Variants in EDEM3 observed in about 807,000 individuals in gnomAD.
EDEM3 encodes the protein ER degradation-enhancing alpha-mannosidase-like protein 3.
Under a neutral mutation model 110.2 loss-of-function variants are expected in EDEM3, and 60 were observed. The ratio of observed to expected loss-of-function variants is 0.54; its 90% CI spans 0.44 to 0.67. EDEM3 has a LOEUF of 0.67. EDEM3 is among the 30% of genes least tolerant of loss of function. The pLI is 0.00. For synonymous variants in EDEM3, 352 were observed against 382.9 expected (o/e 0.92, Z 0.94); for missense variants, 996 against 1,121.0 (o/e 0.89, Z 1.59).
chr1:184,701,271 A>G (rs979202159), intron 19 of EDEM3, among the ~76,000 whole-genome samples: 2 of 152,082 alleles, frequency 1.3e-5, no homozygotes, highest in African/African-American at 4.8e-5. Context: ...TGACTCTTGT[A>G]TGGACATAGA....
chr1:184,716,295 A>C (rs1026985511), intron 13 of EDEM3, among the ~76,000 whole-genome samples: 1 of 152,218 alleles, frequency 6.6e-6, no homozygotes, highest in Non-Finnish European at 1.5e-5. Context: ...AAGCTTCAGC[A>C]TTCATTTAGA....
At position 184,734,583 on chromosome 1, in the gene EDEM3, A is replaced by C. The variant is rs1651719606; in HGVS notation, c.406T>G (p.Leu136Val). 3 of 1,560,138 alleles carry C rather than the reference A, an allele frequency of 1.9e-6. No individual in the cohort carries two copies. Among genetic ancestry groups the C allele is most frequent in the Admixed American group, 3.6e-5 (2 of 55,070 alleles). Residue 136 changes from leucine (L) to valine (V), a missense_variant, in exon 5 of 20, where the codon TTA becomes GTA. By Grantham distance (32) the Leu-to-Val change is conservative. This residue lies in a region of EDEM3 where 200 missense variants were observed against 183.8 expected (regional missense o/e 1.09). Coordinates refer to ENST00000318130, the MANE Select transcript of EDEM3 (RefSeq NM_025191.4). ...ACTGATACGACTACATCGTTATCTAAATTAACATCTCTTAAAACTTTTCTC... is the reference window on the plus strand; with the variant it reads ...ACTGATACGACTACATCGTTATCTACATTAACATCTCTTAAAACTTTTCTC... ...AVRKVLRDVN[L>V]DNDVVVSVFE...
chr1:184,750,643 G>A (rs897092538), intron 1 of EDEM3, among the ~76,000 whole-genome samples: 8 of 151,770 alleles, frequency 5.3e-5, no homozygotes, highest in Non-Finnish European at 8.8e-5. Context: ...CTCCCGAGTA[G>A]CTGGGATTAC....
intron 3 of EDEM3, 91 bp downstream of exon 3, chr1:184,737,519 TC>T (rs1358215594): frequency 1.7e-6 from 2 of 1,167,164 alleles, no homozygotes; most frequent in Non-Finnish European, 2.5e-6. Flanking sequence ...ATTTAGCCAA[TC>T]CCTAGAAATA....
At chr1:184,746,580 T>A (rs985866015) in intron 2 of EDEM3, among the ~76,000 whole-genome samples, 1 of 152,202 alleles carries the variant, frequency 6.6e-6, no homozygotes, top group African/African-American at 2.4e-5. Flanking sequence ...GGCAAACCAT[T>A]GTCTTCATTT....
intron 18 of EDEM3, among the ~76,000 whole-genome samples, chr1:184,705,954 C>T (rs1359845621): frequency 6.6e-6 from 1 of 152,124 alleles, no homozygotes; most frequent in Non-Finnish European, 1.5e-5. Context: ...GGTAACTTGT[C>T]ATTTCGGTAG....
intron 2 of EDEM3, among the ~76,000 whole-genome samples, chr1:184,743,983 T>C (rs1256933006): frequency 6.7e-6 from 1 of 149,850 alleles, no homozygotes; most frequent in East Asian, 1.9e-4. Flanking sequence ...ATAGAACATC[T>C]AGGAAAAAAA....
chr1:184,715,489 A>C (rs767496797), intron 13 of EDEM3, among the ~76,000 whole-genome samples: 9 of 152,156 alleles, frequency 5.9e-5, no homozygotes, highest in Non-Finnish European at 1.3e-4. Context: ...CCCCACACTT[A>C]AGTGCAGTGG....
At chr1:184,701,405 A>T in intron 19 of EDEM3, 1 of 707,310 alleles carries the variant, frequency 1.4e-6, no homozygotes, top group African/African-American at 1.9e-5. Flanking sequence ...TATCCACTGA[A>T]ACAAAATTAT....
intron 1 of EDEM3, among the ~76,000 whole-genome samples, chr1:184,753,824 T>G (rs1024185554): frequency 3.3e-5 from 5 of 152,228 alleles, no homozygotes; most frequent in Non-Finnish European, 7.3e-5. Context: ...TTCTTATTCA[T>G]GTGTAGGACC....
intron 7 of EDEM3, among the ~76,000 whole-genome samples, chr1:184,724,444 T>C (rs1262071366): frequency 6.6e-6 from 1 of 152,136 alleles, no homozygotes; most frequent in African/African-American, 2.4e-5. Flanking sequence ...CATGTTTGTC[T>C]TTTTCTCATT....
Position 184,723,953 on chromosome 1 carries a change from G to A in EDEM3, c.748-97C>T, listed in dbSNP as rs936986067. ...AACTAACAAACAAAACTCAAAGGCC[G>A]ATAGGATATTTTAAGAATTAGGTTA... On this transcript the variant is annotated intron_variant, in intron 7 of 19. Coordinates refer to ENST00000318130, the MANE Select transcript of EDEM3 (RefSeq NM_025191.4). 10 of 838,264 alleles carry A rather than the reference G, an allele frequency of 1.2e-5. No homozygotes were observed. The African/African-American group carries it at 1.5e-4, about 12-fold the overall frequency. 51.9% of individuals were successfully genotyped at this position (838,264 alleles called of 1,614,324 possible).
intron 17 of EDEM3, among the ~76,000 whole-genome samples, chr1:184,707,722 T>C (rs1051085309): frequency 1.3e-5 from 2 of 152,184 alleles, no homozygotes; most frequent in African/African-American, 4.8e-5. Flanking sequence ...CTAAATGATC[T>C]TCAAAGTTTG....
intron 2 of EDEM3, among the ~76,000 whole-genome samples, chr1:184,738,624 A>G (rs188826872): frequency 2.0e-3 from 301 of 152,342 alleles, no homozygotes; most frequent in African/African-American, 7.0e-3. Context: ...TCTACACTCA[A>G]TTACATTCTC....
At chr1:184,722,504 AT>A (rs1228913642) in intron 8 of EDEM3, among the ~76,000 whole-genome samples, 1 of 151,956 alleles carries the variant, frequency 6.6e-6, no homozygotes, top group Admixed American at 6.5e-5. Flanking sequence ...GCCATTCAAT[AT>A]TTTGCTTTTA....
At chr1:184,710,597 G>A in intron 15 of EDEM3, 50 bp from the exon 16 acceptor site, 10 of 1,506,456 alleles carry the variant, frequency 6.6e-6, no homozygotes, top group East Asian at 2.4e-5. Context: ...AATTAGAATT[G>A]GCAAAAAACA....
intron 19 of EDEM3, among the ~76,000 whole-genome samples, chr1:184,699,319 A>C (rs1479268715): frequency 6.6e-6 from 1 of 151,822 alleles, no homozygotes; most frequent in Non-Finnish European, 1.5e-5. Context: ...AATTTTACCT[A>C]GGAGGTGGCA....
chr1:184,693,844 A>T lies in EDEM3; in HGVS notation c.*219T>A. ...GGTGCAGTGCTGCATTTGAAGGGGG[A>T]ACTGTGGATTTCCATTTTTGATGGG... On this transcript the variant is annotated 3_prime_UTR_variant, in exon 20 of 20. Transcript: ENST00000318130. The T allele has an allele frequency of 2.0e-6, 1 of 500,150 alleles. No individual in the cohort carries two copies. Among genetic ancestry groups the T allele is most frequent in the East Asian group, 3.1e-5 (1 of 32,402 alleles). The allele number at this position is 500,150 out of a possible 1,614,324, so 31.0% of individuals were successfully genotyped here.
intron 1 of EDEM3, among the ~76,000 whole-genome samples, chr1:184,752,833 A>C (rs1652839383): frequency 6.6e-6 from 1 of 152,214 alleles, no homozygotes; most frequent in Non-Finnish European, 1.5e-5. Context: ...TTGTGGCTGA[A>C]CAAGTCAACC....
Sources: gnomAD v4.1 joint callset for allele counts (sites outside exome capture counted in the v4.1 genomes callset) on GRCh38, gnomAD v4.1.1 for gene constraint, gnomAD v4.1.1 regional missense constraint, MANE v1.5 for transcripts, NCBI Gene and HGNC (gene_info 2026-07-23, HGNC 2026-07-21) for gene names.